Variants in KCNJ6 observed in about 807,000 individuals in gnomAD.
KCNJ6 encodes the protein G protein-activated inward rectifier potassium channel 2.
Under a neutral mutation model 34.2 loss-of-function variants are expected in KCNJ6, and 9 were observed. That is an observed-to-expected ratio of 0.26 (90% CI 0.16 to 0.46). KCNJ6 has a LOEUF of 0.46. Among genes scored for constraint, KCNJ6 ranks in the 20% least tolerant of loss-of-function variants. The probability of loss-of-function intolerance (pLI) is 1.00; values close to 1 mark genes in which losing one functional copy is unlikely to be tolerated. For synonymous variants in KCNJ6, 196 were observed against 207.1 expected (o/e 0.95, Z 0.46); for missense variants, 236 against 531.3 (o/e 0.44, Z 5.46).
chr21:37,625,109 A>C lies in KCNJ6; in HGVS notation c.*50T>G. ...AGAAAAAGAAAGAGAATGAGAGACA[A>C]GGAAAGATTGTGTTGGGGGGAGAAG... On this transcript the variant is annotated 3_prime_UTR_variant, in exon 4 of 4. Transcript: ENST00000609713. 7.9e-7 allele frequency: 1 copy of C among 1,261,392 alleles called. No individual in the cohort carries two copies. Among genetic ancestry groups the C allele is most frequent in the Non-Finnish European group, 1.1e-6 (1 of 882,042 alleles). 78.1% of individuals were successfully genotyped at this position (1,261,392 alleles called of 1,614,324 possible).
chr21:37,914,008 G>GGGGGGTGTGTGT (rs760597650), intron 1 of KCNJ6, among the ~76,000 whole-genome samples: 8 of 135,584 alleles, frequency 5.9e-5, no homozygotes, highest in African/African-American at 1.1e-4. Context: ...GGCGGATCGG[G>GGGGGGTGTGTGT]GTGTGTGTGT....
At chr21:37,819,362 C>T (rs1012239790) in intron 2 of KCNJ6, among the ~76,000 whole-genome samples, 3 of 152,090 alleles carry the variant, frequency 2.0e-5, no homozygotes, top group African/African-American at 4.8e-5. Context: ...TTCTGTTTGC[C>T]TCTTAGACTT....
chr21:37,672,386 G>A (rs1375206853), intron 3 of KCNJ6, among the ~76,000 whole-genome samples: 1 of 151,940 alleles, frequency 6.6e-6, no homozygotes, highest in Admixed American at 6.6e-5. Context: ...TAAGGATGAC[G>A]GTGATGCAGA....
intron 1 of KCNJ6, among the ~76,000 whole-genome samples, chr21:37,844,713 C>T (rs2055497912): frequency 6.6e-6 from 1 of 152,176 alleles, no homozygotes; most frequent in Admixed American, 6.5e-5. Context: ...TTCTTGTCCT[C>T]TCCAAATTCA....
rs190883733 is a variant in KCNJ6 at position 37,614,137 on chromosome 21, C to A, written c.*11022G>T. The A allele has an allele frequency of 1.8e-4, 27 of 152,074 alleles. No homozygotes were observed. Among genetic ancestry groups the A allele is most frequent in the African/African-American group, 5.3e-4 (22 of 41,452 alleles). 9.4% of individuals were successfully genotyped at this position (152,074 alleles called of 1,614,324 possible). On this transcript the variant is annotated 3_prime_UTR_variant, in exon 4 of 4. Coordinates refer to ENST00000609713, the MANE Select transcript of KCNJ6 (RefSeq NM_002240.5). ...ATTTCCGACCAGTGAAATGATATAC[C>A]CAGGACGACATTGCTCATCTGGGGG...
At chr21:37,706,344 T>C (rs1382189053) in intron 3 of KCNJ6, among the ~76,000 whole-genome samples, 1 of 152,216 alleles carries the variant, frequency 6.6e-6, no homozygotes, top group African/African-American at 2.4e-5. Flanking sequence ...TAAACTGAAA[T>C]TGTTGCTCTC....
At chr21:37,799,388 A>C (rs1249917538) in intron 2 of KCNJ6, among the ~76,000 whole-genome samples, 1 of 152,198 alleles carries the variant, frequency 6.6e-6, no homozygotes, top group Non-Finnish European at 1.5e-5. Flanking sequence ...AAAGGCGGGA[A>C]GGCTGGGAGA....
intron 1 of KCNJ6, among the ~76,000 whole-genome samples, chr21:37,849,788 A>T (rs2123589270): frequency 6.6e-6 from 1 of 152,338 alleles, no homozygotes; most frequent in South Asian, 2.1e-4. Context: ...AACTGTACAT[A>T]CTGTGGATGT....
intron 1 of KCNJ6, among the ~76,000 whole-genome samples, chr21:37,876,998 A>G (rs2055681794): frequency 6.6e-6 from 1 of 152,210 alleles, no homozygotes; most frequent in Non-Finnish European, 1.5e-5. Flanking sequence ...GAATAAACTT[A>G]ACATTTTTAT....
intron 2 of KCNJ6, among the ~76,000 whole-genome samples, chr21:37,788,687 A>G (rs1219655193): frequency 6.6e-6 from 1 of 152,198 alleles, no homozygotes; most frequent in Non-Finnish European, 1.5e-5. Context: ...TGCCATGTGT[A>G]TAAGCCCAGG....
At chr21:37,635,090 G>A (rs562111738) in intron 3 of KCNJ6, among the ~76,000 whole-genome samples, 1 of 152,080 alleles carries the variant, frequency 6.6e-6, no homozygotes, top group Admixed American at 6.6e-5. Context: ...AGAAAGCAAG[G>A]GAATGTTAAA....
At chr21:37,825,419 G>T (rs1000545091) in intron 2 of KCNJ6, among the ~76,000 whole-genome samples, 1 of 152,106 alleles carries the variant, frequency 6.6e-6, no homozygotes, top group Non-Finnish European at 1.5e-5. Flanking sequence ...AAAGCCTCTA[G>T]GAGTACTTCA....
intron 1 of KCNJ6, among the ~76,000 whole-genome samples, chr21:37,872,794 G>A (rs2055658970): frequency 6.6e-6 from 1 of 152,132 alleles, no homozygotes; most frequent in Non-Finnish European, 1.5e-5. Flanking sequence ...TCATGGGAGG[G>A]AACTGGTCGG....
At chr21:37,738,620 C>T (rs1203896707) in intron 2 of KCNJ6, among the ~76,000 whole-genome samples, 1 of 152,222 alleles carries the variant, frequency 6.6e-6, no homozygotes, top group African/African-American at 2.4e-5. Context: ...ACTTTTGGCT[C>T]ATATCATAAA....
At chr21:37,649,147 A>AC (rs2054420274) in intron 3 of KCNJ6, among the ~76,000 whole-genome samples, 2 of 149,840 alleles carry the variant, frequency 1.3e-5, no homozygotes, top group Non-Finnish European at 1.5e-5. Flanking sequence ...AAAAAAAAAA[A>AC]AAAAAAAGAA....
At chr21:37,680,125 G>T (rs1005064641) in intron 3 of KCNJ6, among the ~76,000 whole-genome samples, 1 of 152,074 alleles carries the variant, frequency 6.6e-6, no homozygotes, top group African/African-American at 2.4e-5. Flanking sequence ...TCTCTCAACT[G>T]GTTTCCTCTA....
chr21:37,640,452 G>A (rs534644993), intron 3 of KCNJ6, among the ~76,000 whole-genome samples: 2 of 152,368 alleles, frequency 1.3e-5, no homozygotes, highest in East Asian at 3.9e-4. Context: ...GGCTCTGCCT[G>A]AGGACACCAC....
At chr21:37,833,097 C>A (rs923937369) in intron 2 of KCNJ6, among the ~76,000 whole-genome samples, 1 of 152,156 alleles carries the variant, frequency 6.6e-6, no homozygotes, top group Non-Finnish European at 1.5e-5. Flanking sequence ...TAACTGCAAC[C>A]TCCACCTCCC....
At chr21:37,901,054 A>C (rs2055814705) in intron 1 of KCNJ6, among the ~76,000 whole-genome samples, 1 of 148,972 alleles carries the variant, frequency 6.7e-6, no homozygotes, top group African/African-American at 2.5e-5. Flanking sequence ...TCAAAAATTT[A>C]GCTTATCTGA....
Sources: allele counts gnomAD v4.1 joint callset (sites outside exome capture counted in the v4.1 genomes callset), GRCh38; gene constraint gnomAD v4.1.1; transcripts MANE v1.5; gene names NCBI Gene and HGNC (gene_info 2026-07-23, HGNC 2026-07-21).